The following SMAD5 variants were observed in gnomAD, a reference collection of about 807,000 sequenced individuals.
SMAD5 encodes the protein SMAD family member 5, also known as MAD, mothers against decapentaplegic homolog 5.
SMAD5 carries 9 observed loss-of-function variants against 43.1 expected under a neutral mutation model. That is an observed-to-expected ratio of 0.21 (90% CI 0.13 to 0.36). The LOEUF (loss-of-function observed/expected upper bound fraction) is 0.36. SMAD5 is among the 10% of genes least tolerant of loss of function. SMAD5 has a pLI of 1.00. For missense variants in SMAD5, 348 were observed against 574.0 expected (o/e 0.61, Z 4.02); for synonymous variants, 190 against 192.4 (o/e 0.99, Z 0.10).
At chr5:136,153,072 A>G (rs1213488138) in intron 2 of SMAD5, among the ~76,000 whole-genome samples, 3 of 152,140 alleles carry the variant, frequency 2.0e-5, no homozygotes, top group Non-Finnish European at 4.4e-5. Flanking sequence ...CGTGAATACA[A>G]TTTGCATCTA....
intron 5 of SMAD5, among the ~76,000 whole-genome samples, chr5:136,163,952 G>A (rs538142597): frequency 1.1e-4 from 17 of 152,300 alleles, no homozygotes; most frequent in African/African-American, 3.9e-4. Flanking sequence ...AGGCCAAGGC[G>A]GGTGGATCCC....
intron 7 of SMAD5, among the ~76,000 whole-genome samples, chr5:136,176,272 G>A (rs1452934638): frequency 6.6e-6 from 1 of 151,706 alleles, no homozygotes; most frequent in African/African-American, 2.4e-5. Context: ...TAGCCAACAT[G>A]GTGAAACCCT....
intron 5 of SMAD5, among the ~76,000 whole-genome samples, chr5:136,165,662 A>ATTTTTTTGTTTTTTTTTT (rs1753976211): frequency 1.5e-5 from 1 of 65,456 alleles, no homozygotes; most frequent in Non-Finnish European, 3.0e-5. Flanking sequence ...GAATCATACA[A>ATTTTTTTGTTTTTTTTTT]TTTTTTTTTT....
At chr5:136,149,067 ATAGGT>A (rs1200333175) in intron 2 of SMAD5, among the ~76,000 whole-genome samples, 19 of 151,798 alleles carry the variant, frequency 1.3e-4, no homozygotes, top group Non-Finnish European at 2.2e-4. Context: ...CCTTGATGGC[ATAGGT>A]TAGTTTTGCC....
intron 1 of SMAD5, among the ~76,000 whole-genome samples, chr5:136,146,030 G>A (rs1422368698): frequency 6.6e-6 from 1 of 151,754 alleles, no homozygotes; most frequent in Non-Finnish European, 1.5e-5. Context: ...AGATAGTTAT[G>A]GGCACATTTC....
chr5:136,172,126 C>T (rs945220737), intron 5 of SMAD5, among the ~76,000 whole-genome samples: 1 of 152,160 alleles, frequency 6.6e-6, no homozygotes, highest in Non-Finnish European at 1.5e-5. Flanking sequence ...ACTTCCCAGC[C>T]CCCAGACCTG....
At chr5:136,166,126 A>G (rs1754002177) in intron 5 of SMAD5, among the ~76,000 whole-genome samples, 1 of 151,450 alleles carries the variant, frequency 6.6e-6, no homozygotes, top group Admixed American at 6.6e-5. Flanking sequence ...AATGGGTATG[A>G]AGAGATATCT....
rs1237281534 is a variant in SMAD5, at chr5:136,179,248, G to T, written c.*1768G>T. 1 of 152,368 alleles carries T rather than the reference G, an allele frequency of 6.6e-6. No individual in the cohort carries two copies. Among genetic ancestry groups the T allele is most frequent in the Non-Finnish European group, 1.5e-5 (1 of 67,996 alleles). The allele number at this position is 152,368 out of a possible 1,614,324, so 9.4% of individuals were successfully genotyped here. On this transcript the variant is annotated 3_prime_UTR_variant, in exon 8 of 8. Coordinates refer to ENST00000545279, the MANE Select transcript of SMAD5 (RefSeq NM_005903.7). ...AATCATGTTTTTGGCTTTGGATAAAGAACTTTGAACCAGTTTTTTTCTCAG... is the reference window on the plus strand; with the variant it reads ...AATCATGTTTTTGGCTTTGGATAAATAACTTTGAACCAGTTTTTTTCTCAG...
At chr5:136,146,351 G>A (rs997679924) in intron 1 of SMAD5, among the ~76,000 whole-genome samples, 9 of 151,796 alleles carry the variant, frequency 5.9e-5, no homozygotes, top group Non-Finnish European at 1.5e-5. Flanking sequence ...ACTGGAATAA[G>A]TGTAGAGGTG....
At chr5:136,158,847 C>T (rs889424628) in intron 3 of SMAD5, among the ~76,000 whole-genome samples, 7 of 151,402 alleles carry the variant, frequency 4.6e-5, no homozygotes, top group African/African-American at 1.7e-4. Context: ...TGCAGTGAGC[C>T]GAGATGGCGC....
At chr5:136,149,233 T>G (rs974782729) in intron 2 of SMAD5, among the ~76,000 whole-genome samples, 8 of 151,936 alleles carry the variant, frequency 5.3e-5, no homozygotes, top group African/African-American at 1.9e-4. Flanking sequence ...ACTCTACTGC[T>G]GATGAATATT....
At chr5:136,148,621 G>A (rs950176144) in intron 2 of SMAD5, among the ~76,000 whole-genome samples, 1 of 151,738 alleles carries the variant, frequency 6.6e-6, no homozygotes, top group African/African-American at 2.4e-5. Context: ...GCTGCTTGCT[G>A]TGCCCAGAGT....
At position 136,180,649 on chromosome 5, in the gene SMAD5, G is replaced by A. The variant is rs1265650215; in HGVS notation, c.*3169G>A. 2 of 152,130 alleles carry A rather than the reference G, an allele frequency of 1.3e-5. No homozygotes were observed. Among genetic ancestry groups the A allele is most frequent in the Non-Finnish European group, 2.9e-5 (2 of 67,942 alleles). 9.4% of individuals were successfully genotyped at this position (152,130 alleles called of 1,614,324 possible). The stretch of plus-strand genomic sequence containing the variant: ...TTTTAAGAGGAGATTTAAGGAAGAC[G>A]TCAATCAAAATGTCAAATATGTGTG... On this transcript the variant is annotated 3_prime_UTR_variant, in exon 8 of 8. Coordinates refer to ENST00000545279, the MANE Select transcript of SMAD5 (RefSeq NM_005903.7).
At chr5:136,140,500 C>T (rs1753041422) in intron 1 of SMAD5, among the ~76,000 whole-genome samples, 1 of 152,162 alleles carries the variant, frequency 6.6e-6, no homozygotes, top group Non-Finnish European at 1.5e-5. Context: ...ATATGCTCTT[C>T]ATGCCAGAAG....
chr5:136,162,630 C>G (rs923140876), intron 4 of SMAD5, among the ~76,000 whole-genome samples: 7 of 152,274 alleles, frequency 4.6e-5, no homozygotes, highest in African/African-American at 1.7e-4. Context: ...TTTATAATTA[C>G]TGAGACAAAA....
intron 2 of SMAD5, among the ~76,000 whole-genome samples, chr5:136,151,199 C>A (rs1035012419): frequency 7.9e-5 from 12 of 151,994 alleles, no homozygotes; most frequent in Non-Finnish European, 1.5e-5. Context: ...GACGAGACTA[C>A]CTGCATACTA....
intron 7 of SMAD5, among the ~76,000 whole-genome samples, chr5:136,176,279 C>G (rs186222326): frequency 6.6e-6 from 1 of 151,364 alleles, no homozygotes; most frequent in Non-Finnish European, 1.5e-5. Context: ...CATGGTGAAA[C>G]CCTGTCTCTA....
At chr5:136,155,457 G>C (rs137932860) in intron 3 of SMAD5, among the ~76,000 whole-genome samples, 3 of 152,040 alleles carry the variant, frequency 2.0e-5, no homozygotes, top group Admixed American at 6.5e-5. Context: ...GTCTTTCTGC[G>C]TCTCTTCTTC....
chr5:136,151,323 G>C (rs986712825), intron 2 of SMAD5, among the ~76,000 whole-genome samples: 1 of 152,000 alleles, frequency 6.6e-6, no homozygotes, highest in South Asian at 2.1e-4. Flanking sequence ...TTGTGAGAAT[G>C]GGCTGTCATG....
Sources: gnomAD v4.1 joint callset for allele counts (sites outside exome capture counted in the v4.1 genomes callset) on GRCh38, gnomAD v4.1.1 for gene constraint, MANE v1.5 for transcripts, NCBI Gene and HGNC (gene_info 2026-07-23, HGNC 2026-07-21) for gene names.